The following CASD1 variants were observed in gnomAD, a reference collection of about 807,000 sequenced individuals.
CASD1 encodes CAS1 domain sialic acid O acetyltransferase 1.
Under a neutral mutation model 100.0 loss-of-function variants are expected in CASD1, and 41 were observed. The ratio of observed to expected loss-of-function variants is 0.41; its 90% CI spans 0.32 to 0.53. CASD1 has a LOEUF of 0.53. Among genes scored for constraint, CASD1 ranks in the 20% least tolerant of loss-of-function variants. The probability of loss-of-function intolerance (pLI) is 0.25; values close to 1 mark genes in which losing one functional copy is unlikely to be tolerated. For synonymous variants in CASD1, 321 were observed against 315.6 expected (o/e 1.02, Z -0.18); for missense variants, 774 against 948.7 (o/e 0.82, Z 2.42).
chr7:94,527,282 T>C, intron 4 of CASD1, 76 bp downstream of exon 4: 2 of 1,030,128 alleles, frequency 1.9e-6, no homozygotes, highest in South Asian at 2.7e-5. Context: ...ATACTAAGTA[T>C]ATTTCAATGT....
rs1793604697 is a variant in CASD1 at position 94,509,989 on chromosome 7, C to T, written c.-96C>T. On this transcript the variant is annotated 5_prime_UTR_variant, in exon 1 of 18. Coordinates refer to ENST00000297273, the MANE Select transcript of CASD1 (RefSeq NM_022900.5). ...TGGCGGCCTGGGGAGCTGGCGGCCGCTCCTCGCCTGGCTGCAGCGGCGGCA... is the reference window on the plus strand; with the variant it reads ...TGGCGGCCTGGGGAGCTGGCGGCCGTTCCTCGCCTGGCTGCAGCGGCGGCA... 6 of 1,267,268 alleles carry T rather than the reference C, an allele frequency of 4.7e-6. No individual in the cohort carries two copies. Among genetic ancestry groups the T allele is most frequent in the South Asian group, 2.9e-5 (1 of 34,062 alleles). The allele number at this position is 1,267,268 out of a possible 1,614,324, so 78.5% of individuals were successfully genotyped here. A position where few individuals can be genotyped will look rare whatever the true frequency, so the allele number is the denominator to read the frequency against.
At chr7:94,581,044 C>CA in the CASD1 span, among the ~76,000 whole-genome samples, 1 of 152,156 alleles carries the variant, frequency 6.6e-6, no homozygotes, top group East Asian at 1.9e-4. Context: ...GGGGTAGACT[C>CA]ACATTAGACA....
chr7:94,585,233 A>G, the CASD1 span: 2 of 416,022 alleles, frequency 4.8e-6, no homozygotes, highest in Non-Finnish European at 8.6e-6. Flanking sequence ...ATTAGGCTTC[A>G]TTAATAATAT....
the CASD1 span, among the ~76,000 whole-genome samples, chr7:94,611,978 G>C: frequency 1.3e-5 from 2 of 152,092 alleles, no homozygotes; most frequent in Non-Finnish European, 2.9e-5. Flanking sequence ...ATGATCAGAG[G>C]ATATAAACAT....
chr7:94,564,364 T>A, the CASD1 span, among the ~76,000 whole-genome samples: 1 of 152,320 alleles, frequency 6.6e-6, no homozygotes, highest in East Asian at 1.9e-4. Flanking sequence ...GGGACCACTA[T>A]CCCTGCATTC....
At chr7:94,600,806 C>G in the CASD1 span, 1 of 1,613,022 alleles carries the variant, frequency 6.2e-7, no homozygotes, top group Non-Finnish European at 8.5e-7. Flanking sequence ...GGTAAAATCC[C>G]CTCTCCACGA....
At position 94,537,631 on chromosome 7, in the gene CASD1, C is replaced by T. The variant is rs775755822; in HGVS notation, c.1003C>T (p.Arg335Cys). ...ATATTTAATTTTTTACATAATTCAT[C>T]GTAATGCTCATCGGAAGAATAAGCC... is the stretch of plus-strand genomic sequence containing the variant. ...IGYLIFYIIH[R>C]NAHRKNKPCT... The change falls in exon 9 of 18, where the codon CGT becomes TGT. Residue 335 changes from arginine (R) to cysteine (C), a missense_variant. Arg to Cys is a radical substitution (Grantham distance 180). This residue lies in a region of CASD1 where 453 missense variants were observed against 532.6 expected (regional missense o/e 0.85). Coordinates refer to ENST00000297273, the MANE Select transcript of CASD1 (RefSeq NM_022900.5). The T allele has an allele frequency of 3.1e-5, 50 of 1,613,650 alleles. No homozygotes were observed. Among genetic ancestry groups the T allele is most frequent in the Non-Finnish European group, 3.9e-5 (46 of 1,179,880 alleles).
chr7:94,598,597 A>G, the CASD1 span: 5 of 625,674 alleles, frequency 8.0e-6, no homozygotes, highest in Non-Finnish European at 2.8e-6. Context: ...TGCATTTCCT[A>G]AAAGTAATTG....
At position 94,517,553 on chromosome 7, in the gene CASD1, G is replaced by A. The variant is rs188425057; in HGVS notation, c.134-7G>A. 2.5e-6 allele frequency: 4 copies of A among 1,593,042 alleles called. No homozygotes were observed. The East Asian group carries it at 8.9e-5, about 36-fold the overall frequency. Reference sequence around the variant, plus strand: ...GTTTACAACACTGTTGTGTTTAACTGTTTTAGGCAATGATTCGTGTGAATA... The same window carrying A: ...GTTTACAACACTGTTGTGTTTAACTATTTTAGGCAATGATTCGTGTGAATA... On this transcript the variant is annotated splice_polypyrimidine_tract_variant and splice_region_variant and intron_variant, in intron 1 of 17. Transcript: ENST00000297273.
downstream of CASD1, among the ~76,000 whole-genome samples, chr7:94,557,241 AT>A (rs1796240014): frequency 6.6e-6 from 1 of 152,020 alleles, no homozygotes; most frequent in South Asian, 2.1e-4. Context: ...TGTACTTATT[AT>A]TTATTTAGCA....
intron 3 of CASD1, among the ~76,000 whole-genome samples, chr7:94,525,103 A>ATAGAC (rs1794491834): frequency 7.5e-6 from 1 of 133,756 alleles, no homozygotes; most frequent in African/African-American, 2.5e-5. Flanking sequence ...CACATAGTTC[A>ATAGAC]GCAAAAGAGA....
At chr7:94,521,098 A>T (rs1049347535) in intron 3 of CASD1, among the ~76,000 whole-genome samples, 17 of 152,068 alleles carry the variant, frequency 1.1e-4, no homozygotes, top group Non-Finnish European at 2.2e-4. Flanking sequence ...CTCAAAAAGA[A>T]AAAAAAAGAA....
the CASD1 span, chr7:94,598,725 G>A: frequency 8.2e-7 from 1 of 1,223,442 alleles, no homozygotes; most frequent in Admixed American, 1.7e-5. Flanking sequence ...ACAGATATTA[G>A]TAAAAATATA....
the CASD1 span, chr7:94,617,306 CT>C: frequency 6.6e-6 from 1 of 152,138 alleles, no homozygotes; most frequent in Non-Finnish European, 1.5e-5. Context: ...CTAAAAGTAC[CT>C]CGACGGGTGG....
At chr7:94,551,843 CAT>C (rs1795965523) in intron 15 of CASD1, 1 of 153,768 alleles carries the variant, frequency 6.5e-6, no homozygotes, top group South Asian at 2.1e-4. Flanking sequence ...ATTATGAATA[CAT>C]ATTAGTTCAT....
chr7:94,597,952 A>AG, the CASD1 span: 1 of 161,594 alleles, frequency 6.2e-6, no homozygotes, highest in Admixed American at 6.4e-5. Context: ...GGCTGCAGTG[A>AG]GCCAAGATCG....
At chr7:94,587,279 A>C in the CASD1 span, 1 of 988,438 alleles carries the variant, frequency 1.0e-6, no homozygotes, top group African/African-American at 1.7e-5. Context: ...AATTGCCCTA[A>C]TATCATCTAC....
chr7:94,550,146 C>G (rs1384777869), intron 14 of CASD1, among the ~76,000 whole-genome samples: 1 of 152,084 alleles, frequency 6.6e-6, no homozygotes, highest in African/African-American at 2.4e-5. Context: ...TTGTATTAGT[C>G]TATGAACTTG....
intron 1 of CASD1, 67 bp from the exon 2 acceptor site, chr7:94,517,493 G>T (rs1794038161): frequency 3.1e-6 from 3 of 955,322 alleles, no homozygotes; most frequent in East Asian, 4.9e-5. Flanking sequence ...ACTTATATAG[G>T]GTCAAGATAG....
Sources: gnomAD v4.1 joint callset for allele counts (sites outside exome capture counted in the v4.1 genomes callset) on GRCh38, gnomAD v4.1.1 for gene constraint, gnomAD v4.1.1 regional missense constraint, MANE v1.5 for transcripts, NCBI Gene and HGNC (gene_info 2026-07-23, HGNC 2026-07-21) for gene names.